Variants in PARP4 observed in about 807,000 individuals in gnomAD.
PARP4 encodes poly(ADP-ribose) polymerase family member 4, also known as protein mono-ADP-ribosyltransferase PARP4.
PARP4 carries 120 observed loss-of-function variants against 187.7 expected under a neutral mutation model. That is an observed-to-expected ratio of 0.64 (90% CI 0.55 to 0.74). The LOEUF (loss-of-function observed/expected upper bound fraction) is 0.74. PARP4 is among the 30% of genes least tolerant of loss of function. PARP4 has a pLI of 0.00. For missense variants in PARP4, 1,836 were observed against 2,070.5 expected, an observed-to-expected ratio of 0.89 and a Z score of 2.20; for synonymous variants, 654 against 740.9, an observed-to-expected ratio of 0.88 and a Z score of 1.90.
intron 17 of PARP4, among the ~76,000 whole-genome samples, chr13:24,468,370 C>T (rs1872577427): frequency 1.3e-5 from 2 of 149,446 alleles, no homozygotes; most frequent in South Asian, 2.1e-4. Flanking sequence ...GGTGAGCTTA[C>T]TTCAGGAAAA....
intron 23 of PARP4, among the ~76,000 whole-genome samples, chr13:24,453,013 C>T (rs1452831833): frequency 6.6e-6 from 1 of 152,078 alleles, no homozygotes; most frequent in Non-Finnish European, 1.5e-5. Flanking sequence ...CGGCTCACTG[C>T]AACTTCTACC....
At position 24,499,242 on chromosome 13, in the gene PARP4, A is replaced by G. The variant is rs1039668769; in HGVS notation, c.477+59T>C. ...ATGACCGAATAGGAAAAACACCCAG[A>G]AGACATTCAAACAGGTGTGTTTTTT... On this transcript the variant is annotated intron_variant, in intron 5 of 33. Coordinates refer to ENST00000381989, the MANE Select transcript of PARP4 (RefSeq NM_006437.4). 4.0e-6 allele frequency: 6 copies of G among 1,487,062 alleles called. No homozygotes were observed. In the Admixed American group the frequency reaches 1.5e-4, roughly 38 times the overall value. The allele number at this position is 1,487,062 out of a possible 1,614,324, so 92.1% of individuals were successfully genotyped here.
chr13:24,491,043 T>C (rs9578746), intron 9 of PARP4, among the ~76,000 whole-genome samples: 3 of 152,016 alleles, frequency 2.0e-5, no homozygotes, highest in Non-Finnish European at 2.9e-5. Context: ...CTGAGTTCAA[T>C]AGATCCTCCT....
Position 24,459,103 on chromosome 13 carries a change from T to C in PARP4, c.2365A>G (p.Ile789Val), listed in dbSNP as rs772753288. The change falls in exon 20 of 34, where the codon ATT becomes GTT. Residue 789 changes from isoleucine to valine, a missense_variant. Physicochemically the swap from Ile to Val is conservative, Grantham distance 29. Around this residue, in one of 8 missense-constraint regions of PARP4, gnomAD observed 1,147 missense variants for 1,214.2 expected, o/e 0.94. Transcript: ENST00000381989. The part of the protein sequence containing the change: ...TKQSFSLTMS[I>V]EMPYVIEFIF... Reference sequence around the variant, plus strand: ...AATTCAATCACATACGGCATCTCAATAGACATAGTCAAAGAGAAGCTAGCA... The same window carrying C: ...AATTCAATCACATACGGCATCTCAACAGACATAGTCAAAGAGAAGCTAGCA... 26 of 1,609,902 alleles carry C rather than the reference T, an allele frequency of 1.6e-5. No homozygotes were observed. The highest frequency in any genetic ancestry group is 5.0e-5 in the Admixed American group (3 of 59,626).
intron 6 of PARP4, among the ~76,000 whole-genome samples, chr13:24,495,423 AACTGTTAGAG>A (rs960522538): frequency 7.2e-5 from 11 of 152,206 alleles, no homozygotes; most frequent in Middle Eastern, 3.2e-3. Flanking sequence ...AGAAAGGAAG[AACTGTTAGAG>A]ACGGGCACAC....
At chr13:24,492,334 C>T (rs1868701038) in intron 9 of PARP4, 87 bp downstream of exon 9, 1 of 862,356 alleles carries the variant, frequency 1.2e-6, no homozygotes, top group African/African-American at 1.7e-5. Flanking sequence ...TTTCATGATT[C>T]AGTGTTACCT....
At chr13:24,477,114 G>A (rs1873026110) in intron 14 of PARP4, among the ~76,000 whole-genome samples, 1 of 152,170 alleles carries the variant, frequency 6.6e-6, no homozygotes, top group Admixed American at 6.5e-5. Flanking sequence ...AAGCGAATAA[G>A]CTCAACTTCA....
At position 24,421,325 on chromosome 13, in the gene PARP4, A is replaced by T; in HGVS notation, c.4980-11T>A. 8.3e-7 allele frequency: 1 copy of T among 1,210,254 alleles called. No individual in the cohort carries two copies. The highest frequency in any genetic ancestry group is 1.6e-5 in the South Asian group (1 of 61,386). The allele number at this position is 1,210,254 out of a possible 1,614,324, so 75.0% of individuals were successfully genotyped here. On this transcript the variant is annotated splice_polypyrimidine_tract_variant and intron_variant, in intron 33 of 33. Coordinates refer to ENST00000381989, the MANE Select transcript of PARP4 (RefSeq NM_006437.4). The stretch of plus-strand genomic sequence containing the variant: ...GCCCAGGGAATATTCCTAGATTAAA[A>T]AAAAAAGTTTCAGATTTCAGAATAT...
chr13:24,428,339 G>C (rs1870166167), intron 32 of PARP4, among the ~76,000 whole-genome samples: 1 of 152,174 alleles, frequency 6.6e-6, no homozygotes, highest in African/African-American at 2.4e-5. Context: ...TGTGCAGCAG[G>C]CTGGTCCTAG....
intron 33 of PARP4, among the ~76,000 whole-genome samples, chr13:24,424,648 T>C (rs1221274725): frequency 6.6e-6 from 1 of 151,362 alleles, no homozygotes; most frequent in Non-Finnish European, 1.5e-5. Flanking sequence ...ACTATCCCAC[T>C]AGAGAGATAT....
At position 24,435,432 on chromosome 13, in the gene PARP4, TGG is replaced by T; in HGVS notation, c.3707_3708del (p.Ser1236Ter). ...AATGGAATTTTCCTATGTTTTCGTT[TGG>T]ATAAACGTAATTCTGGCCACTCAGA... is the stretch of plus-strand genomic sequence containing the variant. ...ASSEWPELRL[S>X]KRKHRKIPFS... On this transcript the variant is annotated frameshift_variant, in exon 31 of 34. Transcript: ENST00000381989. LOFTEE classifies it high-confidence loss of function. The T allele has an allele frequency of 6.2e-7, 1 of 1,609,450 alleles. No individual in the cohort carries two copies. The highest frequency in any genetic ancestry group is 1.3e-5 in the African/African-American group (1 of 74,654).
At chr13:24,459,474 C>A in intron 18 of PARP4, 164 bp from the exon 19 acceptor site, 2 of 561,760 alleles carry the variant, frequency 3.6e-6, no homozygotes, top group Non-Finnish European at 6.0e-6. Flanking sequence ...ACAGGAACTT[C>A]TAAAATACAA....
At chr13:24,437,137 C>T (rs1483241357) in intron 30 of PARP4, among the ~76,000 whole-genome samples, 2 of 151,926 alleles carry the variant, frequency 1.3e-5, no homozygotes, top group African/African-American at 4.8e-5. Flanking sequence ...CATTTCAAGT[C>T]AATAAGAGGA....
chr13:24,443,189 G>T (rs191821070), intron 28 of PARP4, among the ~76,000 whole-genome samples: 11 of 108,480 alleles, frequency 1.0e-4, no homozygotes, highest in Admixed American at 1.8e-4. Flanking sequence ...AGAACAGCTG[G>T]GCAGTCCCGG....
In PARP4 at chr13:24,482,818, G is replaced by A. The variant is rs558630500; in HGVS notation, c.1448+1835C>T. Among the ~76,000 whole-genome samples, 5 of 152,248 alleles carry A rather than the reference G, an allele frequency of 3.3e-5. No homozygotes were observed. The South Asian group carries it at 1.0e-3, about 32-fold the overall frequency. The stretch of plus-strand genomic sequence containing the variant: ...CCCTCAATATCTCCAAGGTATGCCT[G>A]TATAAGGAATCATCTAATAACTTTT... On this transcript the variant is annotated intron_variant, in intron 12 of 33. Transcript: ENST00000381989.
At chr13:24,427,386 T>TC (rs1870112615) in intron 32 of PARP4, among the ~76,000 whole-genome samples, 1 of 151,020 alleles carries the variant, frequency 6.6e-6, no homozygotes, top group South Asian at 2.1e-4. Context: ...TTTTTTTTTT[T>TC]TGGAGAAGAC....
Position 24,503,678 on chromosome 13 carries a change from AT to A in PARP4, c.98del (p.Asn33MetfsTer9), listed in dbSNP as rs752891658. 1.9e-6 allele frequency: 3 copies of A among 1,613,384 alleles called. No individual in the cohort carries two copies. In the African/African-American group the frequency reaches 4.0e-5, roughly 22 times the overall value. ...TTAACGAAAAGGAAAACTTTCCGCC[AT>A]TTTCCTTAATGTCAGTTTGTAGCTT... ...KKKLQTDIKENGGKFSFSLNP... is the reference protein window; with the variant it reads ...KKKLQTDIKEXGGKFSFSLNP... On this transcript the variant is annotated frameshift_variant, in exon 2 of 34. Transcript: ENST00000381989. LOFTEE classifies it high-confidence loss of function.
chr13:24,484,436 G>A (rs1873445306), intron 12 of PARP4, among the ~76,000 whole-genome samples: 1 of 152,166 alleles, frequency 6.6e-6, no homozygotes, highest in South Asian at 2.1e-4. Flanking sequence ...GCCTCCAAAA[G>A]AGCTGGGAGT....
rs1334561190 is a variant in PARP4, at chr13:24,456,516, G to T, written c.2425-38C>A. Reference sequence around the variant, plus strand: ...CACCGCGACAACAAGGTGAGTAATGGAGTAACACCATATTAGCAGTCTGCA... The same window carrying T: ...CACCGCGACAACAAGGTGAGTAATGTAGTAACACCATATTAGCAGTCTGCA... On this transcript the variant is annotated intron_variant, in intron 20 of 33. Coordinates refer to ENST00000381989, the MANE Select transcript of PARP4 (RefSeq NM_006437.4). 8 of 1,571,618 alleles carry T rather than the reference G, an allele frequency of 5.1e-6. No homozygotes were observed. In the South Asian group the frequency reaches 8.1e-5, roughly 16 times the overall value.
Sources: gnomAD v4.1 joint callset for allele counts (sites outside exome capture counted in the v4.1 genomes callset) on GRCh38, gnomAD v4.1.1 for gene constraint, gnomAD v4.1.1 regional missense constraint, MANE v1.5 for transcripts, NCBI Gene and HGNC (gene_info 2026-07-23, HGNC 2026-07-21) for gene names.